The following SYNE1 variants were observed in gnomAD, a reference collection of about 807,000 sequenced individuals.
The protein encoded by SYNE1 is spectrin repeat containing nuclear envelope protein 1.
A neutral mutation model predicts 1,111.0 loss-of-function variants in SYNE1; 616 were observed. The ratio of observed to expected loss-of-function variants is 0.55; its 90% confidence interval spans 0.52 to 0.59. The LOEUF (loss-of-function observed/expected upper bound fraction) is 0.59, where lower values mean the gene tolerates loss of function less well. SYNE1 is among the 20% of genes least tolerant of loss of function. The pLI, the probability that SYNE1 is intolerant of heterozygous loss-of-function variation, is 0.00. For synonymous variants in SYNE1, 3,855 were observed against 3,825.8 expected, an observed-to-expected ratio of 1.01 and a Z score of -0.28; for missense variants, 10,006 against 10,417.0, an observed-to-expected ratio of 0.96 and a Z score of 1.72.
At chr6:152,352,390 G>A (rs1554518812) in intron 69 of SYNE1, 37 bp from the exon 70 acceptor site, 17 of 1,579,524 alleles carry the variant, frequency 1.1e-5, no homozygotes, top group East Asian at 9.0e-5. Context: ...AGGTAGTCTT[G>A]TTTCTTTTCT....
chr6:152,135,900 C>T (rs931482357), intron 141 of SYNE1, among the ~76,000 whole-genome samples: 1 of 152,104 alleles, frequency 6.6e-6, no homozygotes, highest in Non-Finnish European at 1.5e-5. Flanking sequence ...CTTCTCACTC[C>T]CTGGCTCAGC....
At chr6:152,133,129 G>A in intron 143 of SYNE1, 147 bp downstream of exon 143, 1 of 758,464 alleles carries the variant, frequency 1.3e-6, no homozygotes, top group Non-Finnish European at 2.2e-6. Context: ...TTTTTATTTT[G>A]AGACAGGACT....
intron 127 of SYNE1, among the ~76,000 whole-genome samples, chr6:152,192,506 C>T (rs180891020): frequency 3.9e-5 from 6 of 152,214 alleles, no homozygotes; most frequent in Admixed American, 3.9e-4. Flanking sequence ...GAGTCTCAGT[C>T]TGTCACCTAG....
intron 38 of SYNE1, among the ~76,000 whole-genome samples, chr6:152,427,302 G>A (rs1415953530): frequency 6.6e-6 from 1 of 152,050 alleles, no homozygotes; most frequent in Admixed American, 6.5e-5. Context: ...TTGCCCAAAC[G>A]TCATATAATT....
In SYNE1 at chr6:152,330,630, C is replaced by A; in HGVS notation, c.14055G>T (p.Gln4685His). 1 of 1,613,624 alleles carries A rather than the reference C, an allele frequency of 6.2e-7. No individual in the cohort carries two copies. Residue 4685 changes from glutamine (Q) to histidine (H), a missense_variant, in exon 78 of 146, where the codon CAG (glutamine) becomes CAT (histidine). Coordinates refer to ENST00000367255, the MANE Select transcript of SYNE1 (RefSeq NM_182961.4). Reference sequence around the variant, plus strand: ...ATTGGGCTTCAAGTTCACTCAGAGACTGGGTTGTCAACTCAATCAAGGAAG... The same window carrying A: ...ATTGGGCTTCAAGTTCACTCAGAGAATGGGTTGTCAACTCAATCAAGGAAG... ...EYASLIELTT[Q>H]SLSELEAQFL...
At chr6:152,253,121 C>T (rs2153608341) in intron 104 of SYNE1, among the ~76,000 whole-genome samples, 1 of 152,118 alleles carries the variant, frequency 6.6e-6, no homozygotes, top group East Asian at 1.9e-4. Context: ...GCTGGTGGTA[C>T]CATCAACTGG....
At chr6:152,463,027 T>C in intron 19 of SYNE1, 137 bp from the exon 20 acceptor site, 1 of 1,127,540 alleles carries the variant, frequency 8.9e-7, no homozygotes, top group African/African-American at 1.5e-5. Context: ...TCATTTTAGA[T>C]AAATTTGAAG....
At chr6:152,142,522 C>G (rs1349895602) in intron 138 of SYNE1, among the ~76,000 whole-genome samples, 1 of 152,198 alleles carries the variant, frequency 6.6e-6, no homozygotes, top group African/African-American at 2.4e-5. Flanking sequence ...TTTAATATCA[C>G]ATACAGTATT....
chr6:152,515,439 C>T (rs2099106809), intron 6 of SYNE1, among the ~76,000 whole-genome samples: 1 of 152,086 alleles, frequency 6.6e-6, no homozygotes, highest in South Asian at 2.1e-4. Context: ...AACTGCCTGC[C>T]TTATTTAATA....
chr6:152,277,858 C>CA (rs1419804485), intron 98 of SYNE1: 1 of 577,558 alleles, frequency 1.7e-6, no homozygotes, highest in African/African-American at 1.9e-5. Flanking sequence ...TTTTTGCCTC[C>CA]ACCACTCCGC....
chr6:152,122,281 G>T lies in SYNE1; in HGVS notation c.*155C>A. 1 of 1,150,330 alleles carries T rather than the reference G, an allele frequency of 8.7e-7. No homozygotes were observed. Among genetic ancestry groups the T allele is most frequent in the Non-Finnish European group, 1.3e-6 (1 of 783,316 alleles). 71.3% of individuals were successfully genotyped at this position (1,150,330 alleles called of 1,614,324 possible). A position where few individuals can be genotyped will look rare whatever the true frequency, so the allele number is the denominator to read the frequency against. On this transcript the variant is annotated 3_prime_UTR_variant, in exon 146 of 146. Transcript: ENST00000367255. ...TCACTGTTTATCTTCCACCTCTGAA[G>T]CCATAATTTGCACACATGTGATCTG...
At chr6:152,383,174 C>T (rs574300973) in intron 55 of SYNE1, among the ~76,000 whole-genome samples, 1 of 152,306 alleles carries the variant, frequency 6.6e-6, no homozygotes, top group Non-Finnish European at 1.5e-5. Flanking sequence ...TTTCTCCATC[C>T]CAATTTCTTT....
At chr6:152,600,175 C>T (rs1320805387) in intron 3 of SYNE1, among the ~76,000 whole-genome samples, 2 of 152,136 alleles carry the variant, frequency 1.3e-5, no homozygotes, top group African/African-American at 4.8e-5. Flanking sequence ...AGGAGGATAG[C>T]TCTGATACGG....
chr6:152,628,273 C>G lies in SYNE1; in HGVS notation c.59G>C (p.Arg20Thr). ...AAATTTCTTCCCCCTACCTTGCAGC[C>G]TCTGCATCACATTGGCGATATCCCG... is the stretch of plus-strand genomic sequence containing the variant. ...CPRDIANVMQRLQDEQEIVQK... is the reference protein window; with the variant it reads ...CPRDIANVMQTLQDEQEIVQK... The change falls in exon 3 of 146, where the codon AGG becomes ACG. Residue 20 changes from arginine (R) to threonine (T), a missense_variant. This residue lies in a region of SYNE1 where 1,971 missense variants were observed against 2,084.1 expected (regional missense o/e 0.95). Coordinates refer to ENST00000367255, the MANE Select transcript of SYNE1 (RefSeq NM_182961.4). The G allele has an allele frequency of 3.1e-6, 5 of 1,614,090 alleles. No homozygotes were observed. The highest frequency in any genetic ancestry group is 4.2e-6 in the Non-Finnish European group (5 of 1,180,028).
In SYNE1 at chr6:152,508,226, T is replaced by A. The variant is rs570974481; in HGVS notation, c.581+1967A>T. 3.7e-4 allele frequency among the ~76,000 whole-genome samples: 56 copies of A among 152,368 alleles called. No homozygotes were observed. The South Asian group carries it at 0.011, about 31-fold the overall frequency. ...ATGGAATCATGTGTTCATTACAGAATTTTTATGGCAGAGAAAAGTCATCGC... is the reference window on the plus strand; with the variant it reads ...ATGGAATCATGTGTTCATTACAGAAATTTTATGGCAGAGAAAAGTCATCGC... On this transcript the variant is annotated intron_variant, in intron 8 of 145. Transcript: ENST00000367255.
chr6:152,550,747 G>A (rs1189342179), intron 3 of SYNE1, among the ~76,000 whole-genome samples: 5 of 152,072 alleles, frequency 3.3e-5, no homozygotes, highest in African/African-American at 7.2e-5. Context: ...AAATATCAAC[G>A]TCTTTGATTG....
intron 95 of SYNE1, among the ~76,000 whole-genome samples, chr6:152,291,250 A>G (rs913437158): frequency 3.5e-4 from 48 of 137,072 alleles, no homozygotes; most frequent in Admixed American, 9.3e-4. Flanking sequence ...CAATTATATT[A>G]ATATGATATA....
intron 14 of SYNE1, chr6:152,480,757 T>C (rs1007137133): frequency 2.2e-6 from 1 of 456,238 alleles, no homozygotes. Context: ...TACCTTTATC[T>C]CTTTATTACA....
At chr6:152,358,042 C>G (rs867412524) in intron 66 of SYNE1, among the ~76,000 whole-genome samples, 1 of 152,222 alleles carries the variant, frequency 6.6e-6, no homozygotes. Flanking sequence ...CGCTGTCCCC[C>G]AGATCTGATG....
Sources: gnomAD v4.1 joint callset for allele counts (sites outside exome capture counted in the v4.1 genomes callset) on GRCh38, gnomAD v4.1.1 for gene constraint, gnomAD v4.1.1 regional missense constraint, MANE v1.5 for transcripts, NCBI Gene and HGNC (gene_info 2026-07-23, HGNC 2026-07-21) for gene names.